The following NRG3 variants were observed in gnomAD, a reference collection of about 807,000 sequenced individuals.
NRG3 encodes the protein neuregulin 3.
In NRG3, 31 loss-of-function variants were observed where a neutral mutation model predicts 66.9. That is an observed-to-expected ratio of 0.46 (90% CI 0.35 to 0.63). The LOEUF is 0.63. Ranked by LOEUF, NRG3 falls within the 20% of genes least tolerant of loss-of-function variation. The pLI is 0.00. For missense variants in NRG3, 910 were observed against 878.9 expected (o/e 1.04, Z -0.45); for synonymous variants, 393 against 359.4 (o/e 1.09, Z -1.06).
At chr10:82,490,506 T>C (rs1312420693) in intron 2 of NRG3, among the ~76,000 whole-genome samples, 3 of 152,162 alleles carry the variant, frequency 2.0e-5, no homozygotes, top group Non-Finnish European at 4.4e-5. Flanking sequence ...CACAGGAGCA[T>C]CTTTTTTTTG....
intron 1 of NRG3, among the ~76,000 whole-genome samples, chr10:82,050,645 C>T (rs1482306627): frequency 2.0e-5 from 3 of 151,950 alleles, no homozygotes; most frequent in Non-Finnish European, 2.9e-5. Flanking sequence ...GTAAATTTTG[C>T]CTCTTTGCTA....
intron 1 of NRG3, among the ~76,000 whole-genome samples, chr10:82,026,111 A>AT (rs1036191820): frequency 2.2e-4 from 33 of 151,874 alleles, no homozygotes; most frequent in Admixed American, 6.6e-4. Context: ...TTTTAGAGCA[A>AT]TTTTTTCTAG....
chr10:82,696,854 T>A (rs887883505), intron 2 of NRG3, among the ~76,000 whole-genome samples: 1 of 152,334 alleles, frequency 6.6e-6, no homozygotes, highest in East Asian at 1.9e-4. Context: ...AGCACATACT[T>A]TGTCCAGTTT....
intron 2 of NRG3, among the ~76,000 whole-genome samples, chr10:82,576,090 T>G (rs1366735183): frequency 6.6e-6 from 1 of 151,708 alleles, no homozygotes; most frequent in Non-Finnish European, 1.5e-5. Context: ...ATTAATATTG[T>G]TAGTCTGGGG....
intron 4 of NRG3, among the ~76,000 whole-genome samples, chr10:82,897,561 C>A (rs1162308293): frequency 6.6e-6 from 1 of 152,146 alleles, no homozygotes; most frequent in African/African-American, 2.4e-5. Context: ...TTCTGTCACC[C>A]AGGCTGAAGT....
At chr10:82,596,112 G>A (rs1228185195) in intron 2 of NRG3, among the ~76,000 whole-genome samples, 1 of 152,054 alleles carries the variant, frequency 6.6e-6, no homozygotes, top group Non-Finnish European at 1.5e-5. Context: ...CATTTCCTAG[G>A]CCTAAATATA....
At chr10:82,057,885 C>T (rs17655621) in intron 1 of NRG3, among the ~76,000 whole-genome samples, 53,134 of 151,796 alleles carry the variant, frequency 0.35, 10,722 homozygotes, top group South Asian at 0.51. Context: ...ACTCAGACTC[C>T]GGGCCACCAG....
chr10:82,709,610 A>C (rs1400746375), intron 2 of NRG3, among the ~76,000 whole-genome samples: 1 of 151,814 alleles, frequency 6.6e-6, no homozygotes, highest in Non-Finnish European at 1.5e-5. Flanking sequence ...GGATCTCTTG[A>C]CCTCATGATC....
intron 3 of NRG3, among the ~76,000 whole-genome samples, chr10:82,800,559 T>C (rs960423823): frequency 6.6e-6 from 1 of 152,218 alleles, no homozygotes; most frequent in Non-Finnish European, 1.5e-5. Flanking sequence ...GTTAATGATA[T>C]TGCCTAGCAT....
chr10:82,257,857 A>G (rs755863934), intron 1 of NRG3, among the ~76,000 whole-genome samples: 6 of 152,222 alleles, frequency 3.9e-5, no homozygotes, highest in Non-Finnish European at 7.3e-5. Context: ...CCTGAAAAGC[A>G]TAGTATTAAT....
At chr10:82,773,841 T>C (rs904561568) in intron 3 of NRG3, among the ~76,000 whole-genome samples, 1 of 152,210 alleles carries the variant, frequency 6.6e-6, no homozygotes, top group Non-Finnish European at 1.5e-5. Flanking sequence ...GCTGTGAGAT[T>C]TTCATTAATA....
chr10:82,939,507 T>A (rs1402559819), intron 4 of NRG3, among the ~76,000 whole-genome samples: 2 of 152,070 alleles, frequency 1.3e-5, no homozygotes, highest in African/African-American at 4.8e-5. Context: ...AGCCTCCCTC[T>A]GTCACCCAGG....
chr10:82,486,692 G>A (rs886113515), intron 2 of NRG3, among the ~76,000 whole-genome samples: 12 of 152,218 alleles, frequency 7.9e-5, no homozygotes, highest in South Asian at 2.1e-4. Context: ...GATTACAGGC[G>A]TGAGCCACCA....
chr10:82,542,062 C>T (rs1371371931), intron 2 of NRG3, among the ~76,000 whole-genome samples: 3 of 152,136 alleles, frequency 2.0e-5, no homozygotes, highest in African/African-American at 4.8e-5. Flanking sequence ...TCCTAATGCT[C>T]TCCCTCCCCT....
chr10:82,272,528 G>A (rs2078650096), intron 1 of NRG3, among the ~76,000 whole-genome samples: 1 of 151,992 alleles, frequency 6.6e-6, no homozygotes, highest in Non-Finnish European at 1.5e-5. Flanking sequence ...AAAGAATTTG[G>A]TGGCTATTTA....
intron 1 of NRG3, among the ~76,000 whole-genome samples, chr10:82,000,545 T>C (rs551251128): frequency 6.6e-6 from 1 of 152,316 alleles, no homozygotes; most frequent in African/African-American, 2.4e-5. Flanking sequence ...ATAGCCCATG[T>C]CCCACACATC....
chr10:82,710,541 G>T (rs763789237), intron 2 of NRG3, among the ~76,000 whole-genome samples: 2 of 120,984 alleles, frequency 1.7e-5, no homozygotes, highest in Admixed American at 1.1e-4. Context: ...AGCCGAGATC[G>T]CACGACTGCA....
chr10:82,975,528 T>G (rs1852171749), intron 7 of NRG3, among the ~76,000 whole-genome samples: 1 of 152,220 alleles, frequency 6.6e-6, no homozygotes. Flanking sequence ...TTCCTTTTTG[T>G]TTGGATCAAT....
intron 2 of NRG3, among the ~76,000 whole-genome samples, chr10:82,427,371 A>G (rs1361795380): frequency 6.6e-6 from 1 of 152,136 alleles, no homozygotes; most frequent in Non-Finnish European, 1.5e-5. Context: ...TAGTTTTCTG[A>G]CAGTCTTTCT....
Sources: allele counts gnomAD v4.1 joint callset (sites outside exome capture counted in the v4.1 genomes callset), GRCh38; gene constraint gnomAD v4.1.1; transcripts MANE v1.5; gene names NCBI Gene and HGNC (gene_info 2026-07-23, HGNC 2026-07-21).